The following SRGAP2 variants were observed in gnomAD, a reference collection of about 807,000 sequenced individuals.
The protein encoded by SRGAP2 is SLIT-ROBO Rho GTPase-activating protein 2.
Under a neutral mutation model 57.2 loss-of-function variants are expected in SRGAP2, and 15 were observed. That is an observed-to-expected ratio of 0.26 (90% CI 0.18 to 0.40). SRGAP2 has a LOEUF of 0.40. Among genes scored for constraint, SRGAP2 ranks in the 10% least tolerant of loss-of-function variants. The pLI is 1.00. For synonymous variants in SRGAP2, 249 were observed against 248.0 expected (o/e 1.00, Z -0.04); for missense variants, 520 against 669.6 (o/e 0.78, Z 2.47).
At chr1:206,207,577 T>A (rs1666029653) in intron 2 of SRGAP2, 1 of 151,910 alleles carries the variant, frequency 6.6e-6, no homozygotes, top group Admixed American at 6.6e-5. Context: ...CCAGATGCAT[T>A]GCATTTGCTC....
chr1:206,213,496 G>A (rs574545383), intron 2 of SRGAP2, among the ~76,000 whole-genome samples: 255 of 152,242 alleles, frequency 1.7e-3, no homozygotes, highest in Middle Eastern at 6.8e-3. Context: ...TCCAAGGAAA[G>A]TCAGGCTAAT....
At chr1:206,439,569 G>A (rs1662080445) in intron 16 of SRGAP2, among the ~76,000 whole-genome samples, 1 of 151,930 alleles carries the variant, frequency 6.6e-6, no homozygotes, top group South Asian at 2.1e-4. Flanking sequence ...GTTTGAATAA[G>A]AGGGTGGTAG....
intron 2 of SRGAP2, among the ~76,000 whole-genome samples, chr1:206,282,079 C>T (rs1422568795): frequency 1.2e-5 from 1 of 81,306 alleles, no homozygotes; most frequent in East Asian, 3.9e-4. Flanking sequence ...GTTCAGGGTC[C>T]AGAACCTGAG....
At chr1:206,321,106 A>C (rs1188151487) in intron 3 of SRGAP2, among the ~76,000 whole-genome samples, 1 of 144,508 alleles carries the variant, frequency 6.9e-6, no homozygotes, top group Non-Finnish European at 1.5e-5. Flanking sequence ...TTATCTCTTT[A>C]CTTTCCTTTA....
chr1:206,439,263 GTAATTGACCTA>G (rs1553371089), intron 16 of SRGAP2, among the ~76,000 whole-genome samples: 1 of 152,164 alleles, frequency 6.6e-6, no homozygotes, highest in Non-Finnish European at 1.5e-5. Context: ...TGGAGGACCT[GTAATTGACCTA>G]TAATTAACCT....
rs782658200 is a variant in SRGAP2 at position 206,227,113 on chromosome 1, C to T, written c.67+21076C>T. ...GAAGTATGACTGTGCCAATACTGTACTCGCTATTTAACAAAATGAGGTCAT... is the reference window on the plus strand; with the variant it reads ...GAAGTATGACTGTGCCAATACTGTATTCGCTATTTAACAAAATGAGGTCAT... On this transcript the variant is annotated intron_variant, in intron 2 of 22. Coordinates refer to ENST00000573034, the MANE Select transcript of SRGAP2 (RefSeq NM_015326.5). 2.7e-3 allele frequency among the ~76,000 whole-genome samples: 413 copies of T among 151,800 alleles called. 2 individuals are homozygous for T. Among genetic ancestry groups the T allele is most frequent in the Non-Finnish European group, 4.5e-3 (306 of 67,972 alleles).
chr1:206,314,096 G>GTTTTTTT (rs1463607146), intron 3 of SRGAP2, among the ~76,000 whole-genome samples: 1 of 125,684 alleles, frequency 8.0e-6, no homozygotes, highest in Non-Finnish European at 1.7e-5. Context: ...GGGCTTTTTT[G>GTTTTTTT]TTTTTTTTGT....
intron 3 of SRGAP2, among the ~76,000 whole-genome samples, chr1:206,335,061 G>A (rs1300885818): frequency 3.3e-5 from 5 of 149,682 alleles, no homozygotes; most frequent in African/African-American, 1.0e-4. Flanking sequence ...TATGTTCCTC[G>A]GTCATTGATC....
intron 4 of SRGAP2, among the ~76,000 whole-genome samples, chr1:206,371,824 G>A (rs1553342703): frequency 2.3e-5 from 2 of 85,724 alleles, no homozygotes; most frequent in Non-Finnish European, 4.0e-5. Context: ...TTTTTTAGAT[G>A]TGTGGGTGGG....
intron 21 of SRGAP2, among the ~76,000 whole-genome samples, chr1:206,456,616 G>GA (rs1378437570): frequency 3.3e-5 from 5 of 151,014 alleles, no homozygotes; most frequent in Admixed American, 6.6e-5. Context: ...AACAGAAGAA[G>GA]AAAAAAAAAG....
chr1:206,442,006 T>C (rs2103341173), intron 17 of SRGAP2, among the ~76,000 whole-genome samples: 1 of 152,344 alleles, frequency 6.6e-6, no homozygotes. Flanking sequence ...TTTGTGAAAA[T>C]GAGGAGCCTT....
intron 4 of SRGAP2, among the ~76,000 whole-genome samples, chr1:206,383,167 G>A (rs1429098717): frequency 2.1e-5 from 3 of 145,688 alleles, no homozygotes; most frequent in Admixed American, 6.8e-5. Context: ...TGGGACTACA[G>A]GCGTGTGCCA....
intron 4 of SRGAP2, among the ~76,000 whole-genome samples, chr1:206,359,556 G>T (rs1209739046): frequency 7.5e-5 from 6 of 79,610 alleles, no homozygotes; most frequent in Non-Finnish European, 1.2e-4. Flanking sequence ...GTGGGAGGAG[G>T]TCATTCAACT....
chr1:206,355,509 T>C (rs1329310288), intron 4 of SRGAP2, among the ~76,000 whole-genome samples: 1 of 152,128 alleles, frequency 6.6e-6, no homozygotes, highest in Non-Finnish European at 1.5e-5. Flanking sequence ...AGTTACATTT[T>C]TTAAATCACA....
Position 206,462,267 on chromosome 1 carries a change from A to G in SRGAP2, c.*847A>G, listed in dbSNP as rs1005738399. ...GAGCTTTTAAAGTTTTTCTGAATGTATAGACATTTCTCGGGTTCCTACCTT... is the reference window on the plus strand; with the variant it reads ...GAGCTTTTAAAGTTTTTCTGAATGTGTAGACATTTCTCGGGTTCCTACCTT... On this transcript the variant is annotated 3_prime_UTR_variant, in exon 23 of 23. Coordinates refer to ENST00000573034, the MANE Select transcript of SRGAP2 (RefSeq NM_015326.5). 1.3e-5 allele frequency: 2 copies of G among 152,762 alleles called. No homozygotes were observed. Among genetic ancestry groups the G allele is most frequent in the Middle Eastern group, 3.4e-3 (1 of 294 alleles). The allele number at this position is 152,762 out of a possible 1,614,324, so 9.5% of individuals were successfully genotyped here. A position where few individuals can be genotyped will look rare whatever the true frequency, so the allele number is the denominator to read the frequency against.
At chr1:206,325,616 A>G (rs2102851623) in intron 3 of SRGAP2, among the ~76,000 whole-genome samples, 1 of 150,142 alleles carries the variant, frequency 6.7e-6, no homozygotes, top group South Asian at 2.1e-4. Flanking sequence ...AAGTGCTGGG[A>G]ATGCAAGTGT....
intron 4 of SRGAP2, among the ~76,000 whole-genome samples, chr1:206,360,655 A>G (rs1676839675): frequency 6.6e-6 from 1 of 152,232 alleles, no homozygotes. Context: ...GGTGTATGAA[A>G]AAAATAGCAG....
intron 19 of SRGAP2, among the ~76,000 whole-genome samples, chr1:206,452,082 G>A (rs1280361611): frequency 6.6e-6 from 1 of 152,176 alleles, no homozygotes; most frequent in Non-Finnish European, 1.5e-5. Context: ...ATAACAATAA[G>A]TCATGCACAC....
intron 7 of SRGAP2, among the ~76,000 whole-genome samples, chr1:206,393,889 TC>T (rs1657289606): frequency 7.2e-6 from 1 of 139,000 alleles, no homozygotes; most frequent in African/African-American, 2.7e-5. Context: ...GGCATTATTA[TC>T]TATATTTTTA....
Sources: allele counts gnomAD v4.1 joint callset (sites outside exome capture counted in the v4.1 genomes callset), GRCh38; gene constraint gnomAD v4.1.1; transcripts MANE v1.5; gene names NCBI Gene and HGNC (gene_info 2026-07-23, HGNC 2026-07-21).